GSG1L: variants seen among roughly 807,000 people sequenced by gnomAD.
GSG1L encodes germ cell-specific gene 1-like protein.
A neutral mutation model predicts 42.1 loss-of-function variants in GSG1L; 24 were observed. The ratio of observed to expected loss-of-function variants is 0.57; its 90% CI spans 0.41 to 0.80. The LOEUF is 0.80. Among genes scored for constraint, GSG1L ranks in the 30% least tolerant of loss-of-function variants. The pLI, the probability that GSG1L is intolerant of heterozygous loss-of-function variation, is 0.00. For missense variants in GSG1L, 445 were observed against 472.2 expected (o/e 0.94, Z 0.53); for synonymous variants, 215 against 203.5 (o/e 1.06, Z -0.48).
intron 2 of GSG1L, among the ~76,000 whole-genome samples, chr16:27,931,093 G>C (rs2084652860): frequency 6.6e-6 from 1 of 152,138 alleles, no homozygotes; most frequent in South Asian, 2.1e-4. Context: ...GAAAGAACTT[G>C]GTGATGACTT....
chr16:27,857,469 C>A (rs558966853), intron 3 of GSG1L, among the ~76,000 whole-genome samples: 2 of 150,490 alleles, frequency 1.3e-5, no homozygotes, highest in East Asian at 3.9e-4. Flanking sequence ...GGGCCAGGTG[C>A]GATGGTTCAC....
rs184232160 is a variant in GSG1L at position 28,023,009 on chromosome 16, T to G, written c.349+40067A>C. 2.4e-3 allele frequency among the ~76,000 whole-genome samples: 367 copies of G among 152,136 alleles called. 1 individual carries two copies. The highest frequency in any genetic ancestry group is 6.6e-3 in the African/African-American group (276 of 41,514). On this transcript the variant is annotated intron_variant, in intron 1 of 6. Transcript: ENST00000447459. ...TTTTTTGTTTGTTTTTTAATATATA[T>G]AGAGAGATGAGGTCTCACTATGTTG...
At chr16:27,848,934 G>A (rs935734772) in intron 3 of GSG1L, among the ~76,000 whole-genome samples, 6 of 152,016 alleles carry the variant, frequency 3.9e-5, no homozygotes, top group African/African-American at 9.7e-5. Context: ...GGTGGCTCAC[G>A]CCTGTAATCC....
intron 1 of GSG1L, among the ~76,000 whole-genome samples, chr16:27,965,376 G>C (rs2085119821): frequency 1.3e-5 from 2 of 152,020 alleles, no homozygotes; most frequent in South Asian, 4.2e-4. Flanking sequence ...TTAAAATTAT[G>C]TTTTACAGTC....
chr16:27,829,492 C>T (rs1164300201), intron 4 of GSG1L, among the ~76,000 whole-genome samples: 1 of 152,168 alleles, frequency 6.6e-6, no homozygotes, highest in Non-Finnish European at 1.5e-5. Flanking sequence ...AGTTAAGTTA[C>T]CTTTGTTCAT....
intron 2 of GSG1L, among the ~76,000 whole-genome samples, chr16:27,942,914 G>A (rs1458762127): frequency 6.6e-6 from 1 of 152,230 alleles, no homozygotes; most frequent in Non-Finnish European, 1.5e-5. Context: ...CTGGGTAGAT[G>A]CGAAACCAGT....
intron 3 of GSG1L, among the ~76,000 whole-genome samples, chr16:27,863,030 A>G (rs781779860): frequency 1.3e-5 from 2 of 152,032 alleles, no homozygotes; most frequent in Non-Finnish European, 2.9e-5. Context: ...CTGTTTCTCC[A>G]TTAGTTTCTG....
At chr16:28,009,253 C>A (rs2085685749) in intron 1 of GSG1L, among the ~76,000 whole-genome samples, 1 of 152,192 alleles carries the variant, frequency 6.6e-6, no homozygotes, top group Admixed American at 6.5e-5. Flanking sequence ...CTGCACACAC[C>A]AAACACTGTC....
chr16:28,036,030 G>GA (rs2086031569), intron 1 of GSG1L, among the ~76,000 whole-genome samples: 1 of 152,008 alleles, frequency 6.6e-6, no homozygotes, highest in African/African-American at 2.4e-5. Flanking sequence ...TTTAGGAGGG[G>GA]AAAAAACAGC....
intron 1 of GSG1L, among the ~76,000 whole-genome samples, chr16:28,031,476 G>T (rs938428668): frequency 6.6e-6 from 1 of 152,026 alleles, no homozygotes; most frequent in African/African-American, 2.4e-5. Context: ...ATGGGATTCA[G>T]CCTGGCTCAT....
intron 1 of GSG1L, among the ~76,000 whole-genome samples, chr16:28,056,632 TA>T (rs1184785751): frequency 7.5e-4 from 110 of 147,416 alleles, no homozygotes; most frequent in Admixed American, 2.2e-3. Flanking sequence ...AAATATATAT[TA>T]AAAAAAAAAA....
chr16:27,807,431 C>A, intron 6 of GSG1L, 56 bp downstream of exon 6: 1 of 1,449,780 alleles, frequency 6.9e-7, no homozygotes, highest in East Asian at 2.3e-5. Context: ...GGGATTCTTT[C>A]TCCTCTGGCA....
At chr16:27,843,739 A>C (rs1055577003) in intron 4 of GSG1L, among the ~76,000 whole-genome samples, 1 of 151,970 alleles carries the variant, frequency 6.6e-6, no homozygotes, top group African/African-American at 2.4e-5. Context: ...TATTCCATCC[A>C]CTCACCATTT....
Position 27,788,252 on chromosome 16 carries a change from T to C in GSG1L, c.*3118A>G, listed in dbSNP as rs1405986223. Reference sequence around the variant, plus strand: ...TCCTGAATCTGCCCGCATGGTCCCCTCCCCAGGGCAACTTTCCTAAGCCAG... The same window carrying C: ...TCCTGAATCTGCCCGCATGGTCCCCCCCCCAGGGCAACTTTCCTAAGCCAG... On this transcript the variant is annotated 3_prime_UTR_variant, in exon 7 of 7. Transcript: ENST00000447459. The C allele has an allele frequency of 1.3e-5, 2 of 152,166 alleles. No homozygotes were observed. The highest frequency in any genetic ancestry group is 2.9e-5 in the Non-Finnish European group (2 of 68,054). 9.4% of individuals were successfully genotyped at this position (152,166 alleles called of 1,614,324 possible). A position where few individuals can be genotyped will look rare whatever the true frequency, so the allele number is the denominator to read the frequency against.
intron 2 of GSG1L, among the ~76,000 whole-genome samples, chr16:27,931,414 G>A (rs1337130095): frequency 1.3e-5 from 2 of 152,174 alleles, no homozygotes; most frequent in Non-Finnish European, 2.9e-5. Flanking sequence ...ACAGAGTATA[G>A]AATGGGCAGA....
chr16:28,012,935 T>G (rs1447199310), intron 1 of GSG1L, among the ~76,000 whole-genome samples: 1 of 148,566 alleles, frequency 6.7e-6, no homozygotes, highest in Non-Finnish European at 1.5e-5. Flanking sequence ...TTTATAAAAC[T>G]TACAAGTGCC....
chr16:27,831,629 G>A (rs1378007418), intron 4 of GSG1L, among the ~76,000 whole-genome samples: 1 of 152,102 alleles, frequency 6.6e-6, no homozygotes, highest in Non-Finnish European at 1.5e-5. Context: ...AACTTCCCTG[G>A]GGAGAGAGGG....
chr16:27,881,632 A>T (rs2083956806), intron 3 of GSG1L, among the ~76,000 whole-genome samples: 1 of 152,196 alleles, frequency 6.6e-6, no homozygotes, highest in Non-Finnish European at 1.5e-5. Context: ...TGACTATGTC[A>T]TGGGTCTCAT....
intron 3 of GSG1L, among the ~76,000 whole-genome samples, chr16:27,873,404 G>A (rs982554597): frequency 6.6e-6 from 1 of 152,162 alleles, no homozygotes; most frequent in African/African-American, 2.4e-5. Flanking sequence ...AGCTGCTGGT[G>A]GGGTGTGATG....
Sources: allele counts gnomAD v4.1 joint callset (sites outside exome capture counted in the v4.1 genomes callset), GRCh38; gene constraint gnomAD v4.1.1; transcripts MANE v1.5; gene names NCBI Gene and HGNC (gene_info 2026-07-23, HGNC 2026-07-21).